Variants in ZNF106 observed in about 807,000 individuals in gnomAD.
ZNF106 encodes SH3-domain binding protein 3.
In ZNF106, 67 loss-of-function variants were observed where a neutral mutation model predicts 195.1. The observed-to-expected ratio is 0.34, with a 90% CI of 0.28 to 0.42. The LOEUF (loss-of-function observed/expected upper bound fraction) is 0.42, where lower values mean the gene tolerates loss of function less well. Among genes scored for constraint, ZNF106 ranks in the 10% least tolerant of loss-of-function variants. ZNF106 has a pLI of 1.00. For missense variants in ZNF106, 2,118 were observed against 2,304.5 expected, an observed-to-expected ratio of 0.92 and a Z score of 1.66; for synonymous variants, 784 against 818.6, an observed-to-expected ratio of 0.96 and a Z score of 0.72.
intron 3 of ZNF106, among the ~76,000 whole-genome samples, chr15:42,460,286 C>T (rs1249311041): frequency 3.9e-5 from 6 of 152,090 alleles, no homozygotes; most frequent in Non-Finnish European, 5.9e-5. Flanking sequence ...CAAAACCCCT[C>T]GCTCTTAAAA....
intron 4 of ZNF106, among the ~76,000 whole-genome samples, chr15:42,455,659 G>A (rs998499648): frequency 4.6e-5 from 7 of 152,128 alleles, no homozygotes; most frequent in Non-Finnish European, 1.0e-4. Flanking sequence ...AGGACAATAG[G>A]CCTGAGCCAC....
In ZNF106 at chr15:42,451,065, A is replaced by G. The variant is rs199577747; in HGVS notation, c.1207T>C (p.Phe403Leu). 1.4e-5 allele frequency: 22 copies of G among 1,614,216 alleles called. No individual in the cohort carries two copies. Among genetic ancestry groups the G allele is most frequent in the Non-Finnish European group, 1.9e-5 (22 of 1,180,034 alleles). Reference protein sequence around the residue: ...NKSEMIEKPLFDFSLITTGIQ... With the variant: ...NKSEMIEKPLLDFSLITTGIQ... Reference sequence around the variant, plus strand: ...CCTGTAGTTATCAAGCTAAAATCAAAGAGAGGTTTCTCTATCATTTCTGAC... The same window carrying G: ...CCTGTAGTTATCAAGCTAAAATCAAGGAGAGGTTTCTCTATCATTTCTGAC... The change falls in exon 5 of 22, where the codon TTT becomes CTT. Residue 403 changes from phenylalanine (F) to leucine (L), a missense_variant. By Grantham distance (22) the Phe-to-Leu change is conservative (BLOSUM62 0). Coordinates refer to ENST00000564754, the MANE Select transcript of ZNF106 (RefSeq NM_001366845.3).
At chr15:42,469,056 A>T (rs943975116) in intron 2 of ZNF106, among the ~76,000 whole-genome samples, 5 of 150,560 alleles carry the variant, frequency 3.3e-5, no homozygotes, top group Non-Finnish European at 7.4e-5. Flanking sequence ...GTGGTGGCGC[A>T]TGCCTGTAAT....
rs181495915 is a variant in ZNF106, at chr15:42,457,484, G to C, written c.117-326C>G. The C allele has an allele frequency of 1.5e-3, 1,760 of 1,188,900 alleles. 1 individual carries two copies. Among genetic ancestry groups the C allele is most frequent in the Non-Finnish European group, 1.7e-3 (1,664 of 955,076 alleles). 73.6% of individuals were successfully genotyped at this position (1,188,900 alleles called of 1,614,324 possible). The stretch of plus-strand genomic sequence containing the variant: ...AAGGGGAGGCAGGGCAGGGGGCTCA[G>C]AGCAAGCAGAAGTTGCTCTGGAGCA... On this transcript the variant is annotated intron_variant, in intron 3 of 21. Transcript: ENST00000564754.
intron 8 of ZNF106, 141 bp from the exon 9 acceptor site, chr15:42,444,403 A>G: frequency 1.5e-6 from 1 of 645,570 alleles, no homozygotes; most frequent in Admixed American, 2.9e-5. Context: ...GGTTTTCTCC[A>G]GCAGGCTTGA....
At chr15:42,490,351 C>T (rs2057123424) in intron 1 of ZNF106, 1 of 152,078 alleles carries the variant, frequency 6.6e-6, no homozygotes, top group Non-Finnish European at 1.5e-5. Flanking sequence ...TCTCAAGTTG[C>T]TAAAAGCCAC....
intron 14 of ZNF106, among the ~76,000 whole-genome samples, chr15:42,430,007 C>T (rs1180615500): frequency 6.6e-6 from 1 of 152,004 alleles, no homozygotes; most frequent in Non-Finnish European, 1.5e-5. Context: ...AGGGAAGCTT[C>T]AGGGCTATGA....
intron 4 of ZNF106, among the ~76,000 whole-genome samples, chr15:42,456,479 T>C (rs929645108): frequency 1.3e-5 from 2 of 151,972 alleles, no homozygotes; most frequent in Non-Finnish European, 2.9e-5. Context: ...TTAAACCTCG[T>C]CTCTACTAAA....
intron 1 of ZNF106, among the ~76,000 whole-genome samples, chr15:42,485,307 T>C (rs908157106): frequency 6.6e-6 from 1 of 152,206 alleles, no homozygotes; most frequent in Admixed American, 6.5e-5. Flanking sequence ...CAAAAACTTA[T>C]AAGTAATACA....
chr15:42,446,544 C>G, intron 7 of ZNF106, 45 bp downstream of exon 7: 1 of 1,532,476 alleles, frequency 6.5e-7, no homozygotes, highest in African/African-American at 1.4e-5. Flanking sequence ...CCAAAAAAAA[C>G]CAAAAAACAC....
At chr15:42,449,710 G>A in intron 5 of ZNF106, 61 bp downstream of exon 5, 2 of 1,538,732 alleles carry the variant, frequency 1.3e-6, no homozygotes, top group Non-Finnish European at 1.7e-6. Flanking sequence ...TCTTGATCAG[G>A]GTCAAAGGGT....
chr15:42,414,671 A>G lies in ZNF106; in HGVS notation c.*2633T>C, dbSNP rs1049986224. ...CTCACCTACCCGTTTCCTGCTGCAC[A>G]AAGTCTCCTTCACTCTCATCTTTTC... On this transcript the variant is annotated 3_prime_UTR_variant, in exon 22 of 22. Transcript: ENST00000564754. The G allele has an allele frequency of 2.0e-5, 3 of 152,264 alleles. No individual in the cohort carries two copies. The highest frequency in any genetic ancestry group is 7.2e-5 in the African/African-American group (3 of 41,446). 9.4% of individuals were successfully genotyped at this position (152,264 alleles called of 1,614,324 possible). A position where few individuals can be genotyped will look rare whatever the true frequency, so the allele number is the denominator to read the frequency against.
At chr15:42,475,352 GA>G (rs2056762635) in intron 1 of ZNF106, among the ~76,000 whole-genome samples, 1 of 152,290 alleles carries the variant, frequency 6.6e-6, no homozygotes, top group East Asian at 1.9e-4. Context: ...TGAGGCAGGA[GA>G]ATCGCTTGAA....
chr15:42,441,001 ATATAT>A (rs2055504793), intron 10 of ZNF106, among the ~76,000 whole-genome samples: 183 of 16,266 alleles, frequency 0.011, no homozygotes, highest in Non-Finnish European at 0.023. Flanking sequence ...AAAAAAAAAT[ATATAT>A]ATATATATAT....
At chr15:42,433,172 C>G (rs2055121450) in intron 14 of ZNF106, among the ~76,000 whole-genome samples, 1 of 151,934 alleles carries the variant, frequency 6.6e-6, no homozygotes, top group South Asian at 2.1e-4. Context: ...GTGGCGCAAT[C>G]TCGGCTCACT....
In ZNF106 at chr15:42,451,655, C is replaced by A. The variant is rs1329103977; in HGVS notation, c.617G>T (p.Gly206Val). 2 of 1,614,222 alleles carry A rather than the reference C, an allele frequency of 1.2e-6. No individual in the cohort carries two copies. Among genetic ancestry groups the A allele is most frequent in the South Asian group, 1.1e-5 (1 of 91,082 alleles). The change falls in exon 5 of 22, where the codon GGT becomes GTT. Residue 206 changes from glycine (G) to valine (V), a missense_variant. Transcript: ENST00000564754. Reference protein sequence around the residue: ...TWFHNHSNSGGGWLSNSGAVD... With the variant: ...TWFHNHSNSGVGWLSNSGAVD... ...TGCTCCACTATTTGAAAGCCAACCA[C>A]CTCCAGAATTACTATGGTTGTGAAA...
At chr15:42,481,739 C>T (rs556205651) in intron 1 of ZNF106, among the ~76,000 whole-genome samples, 1 of 152,120 alleles carries the variant, frequency 6.6e-6, no homozygotes, top group East Asian at 1.9e-4. Context: ...TTTAAAGATT[C>T]TCTATTCGCT....
At chr15:42,455,819 T>A (rs1181892697) in intron 4 of ZNF106, among the ~76,000 whole-genome samples, 2 of 152,226 alleles carry the variant, frequency 1.3e-5, no homozygotes, top group Non-Finnish European at 2.9e-5. Flanking sequence ...TCTGAAATGA[T>A]TCTCTTCATG....
chr15:42,481,139 A>G (rs8033810), intron 1 of ZNF106, among the ~76,000 whole-genome samples: 7,623 of 152,024 alleles, frequency 0.05, 624 homozygotes, highest in African/African-American at 0.17. Flanking sequence ...GTGCTATAGT[A>G]ATTTTTTTTA....
Sources: allele counts gnomAD v4.1 joint callset (sites outside exome capture counted in the v4.1 genomes callset), GRCh38; gene constraint gnomAD v4.1.1; transcripts MANE v1.5; gene names NCBI Gene and HGNC (gene_info 2026-07-23, HGNC 2026-07-21).